Variants in PPP2R5C observed in about 807,000 individuals in gnomAD.
PPP2R5C encodes serine/threonine-protein phosphatase 2A 56 kDa regulatory subunit gamma isoform.
A neutral mutation model predicts 68.9 loss-of-function variants in PPP2R5C; 7 were observed. That is an observed-to-expected ratio of 0.10 (90% CI 0.06 to 0.19). The LOEUF (loss-of-function observed/expected upper bound fraction) is 0.19, where lower values mean the gene tolerates loss of function less well. Among genes scored for constraint, PPP2R5C ranks in the 10% least tolerant of loss-of-function variants. PPP2R5C has a pLI of 1.00. For missense variants in PPP2R5C, 348 were observed against 641.3 expected, an observed-to-expected ratio of 0.54 and a Z score of 4.94; for synonymous variants, 210 against 222.2, an observed-to-expected ratio of 0.95 and a Z score of 0.49.
intron 9 of PPP2R5C, among the ~76,000 whole-genome samples, chr14:101,902,978 T>C (rs1406432187): frequency 6.6e-6 from 1 of 151,882 alleles, no homozygotes; most frequent in African/African-American, 2.4e-5. Flanking sequence ...CAATGAGTTT[T>C]CACATTAGGA....
exon 14 of PPP2R5C, chr14:101,926,635 A>G (rs561538377): frequency 6.5e-6 from 1 of 152,736 alleles, no homozygotes; most frequent in South Asian, 2.1e-4. Flanking sequence ...CATCTCTGGC[A>G]TAAGATTATA....
intron 1 of PPP2R5C, chr14:101,844,150 T>TG (rs201691042): frequency 0.079 from 11,958 of 151,352 alleles, 524 homozygotes; most frequent in Middle Eastern, 0.11. Context: ...TTGTTTTTTT[T>TG]TTTTTTTTGA....
chr14:101,824,284 TA>T, intron 1 of PPP2R5C: 2 of 944,534 alleles, frequency 2.1e-6, no homozygotes, highest in South Asian at 3.5e-5. Context: ...TCTTGCGGGG[TA>T]GGAGAGAGAG....
chr14:101,773,224 A>C (rs182486545), intron 2 of PPP2R5C, among the ~76,000 whole-genome samples: 2 of 152,130 alleles, frequency 1.3e-5, no homozygotes, highest in East Asian at 3.9e-4. Context: ...TCTGCGGGGC[A>C]CTAGTGACAT....
intron 13 of PPP2R5C, chr14:101,921,145 G>A: frequency 4.4e-6 from 1 of 226,028 alleles, no homozygotes; most frequent in Non-Finnish European, 8.7e-6. Context: ...TTGGCTCACT[G>A]CAGCCTCGGC....
intron 2 of PPP2R5C, among the ~76,000 whole-genome samples, chr14:101,764,024 TGTGTGG>T (rs1213922868): frequency 1.8e-3 from 269 of 146,258 alleles, no homozygotes; most frequent in African/African-American, 5.9e-3. Flanking sequence ...TGTGTGTGTG[TGTGTGG>T]GCGCGCGCAC....
chr14:101,881,127 G>C (rs1617668), intron 2 of PPP2R5C, among the ~76,000 whole-genome samples: 8 of 151,994 alleles, frequency 5.3e-5, no homozygotes, highest in African/African-American at 1.7e-4. Flanking sequence ...GGTGACTCAC[G>C]CCTGTAATCC....
chr14:101,875,036 A>G (rs1221576284), intron 2 of PPP2R5C, among the ~76,000 whole-genome samples: 1 of 152,218 alleles, frequency 6.6e-6, no homozygotes, highest in African/African-American at 2.4e-5. Flanking sequence ...CACCGCGCCT[A>G]GCCCGTAAGT....
In PPP2R5C at chr14:101,835,657, G is replaced by A. The variant is rs181335511; in HGVS notation, c.95-21029G>A. 8.4e-4 allele frequency among the ~76,000 whole-genome samples: 128 copies of A among 152,330 alleles called. No individual in the cohort carries two copies. The highest frequency in any genetic ancestry group is 3.0e-3 in the African/African-American group (124 of 41,580). On this transcript the variant is annotated intron_variant, in intron 1 of 13. Coordinates refer to ENST00000334743, the Ensembl canonical transcript of PPP2R5C. This position sits in a 1 kb window ranked among gnomAD's most constrained non-coding sequence, Gnocchi z 5.0. ...GTTAAGGCATCTGAGGTCTCCCGGG[G>A]GACAGACACAGTCTTCATCTTGAGC...
At chr14:101,909,006 C>A (rs1190751589) in intron 10 of PPP2R5C, among the ~76,000 whole-genome samples, 2 of 152,178 alleles carry the variant, frequency 1.3e-5, no homozygotes, top group African/African-American at 4.8e-5. Context: ...GCTGGGGGAT[C>A]GGGGCTCTTA....
At chr14:101,840,071 G>A (rs1283515662) in intron 1 of PPP2R5C, among the ~76,000 whole-genome samples, 1 of 152,096 alleles carries the variant, frequency 6.6e-6, no homozygotes, top group African/African-American at 2.4e-5. Context: ...TTCATGTAAA[G>A]ACCAGTGGTC....
intron 2 of PPP2R5C, among the ~76,000 whole-genome samples, chr14:101,876,456 T>G (rs1032094800): frequency 2.6e-5 from 4 of 152,172 alleles, no homozygotes; most frequent in African/African-American, 9.7e-5. Flanking sequence ...TTAAAATTTT[T>G]ATATGTTACA....
At chr14:101,810,170 G>A in intron 1 of PPP2R5C, 1 of 817,358 alleles carries the variant, frequency 1.2e-6, no homozygotes, top group Non-Finnish European at 1.9e-6. Context: ...CTTAACCAGA[G>A]GAGGTTGGGT....
chr14:101,847,912 C>T (rs1044086430), intron 1 of PPP2R5C, among the ~76,000 whole-genome samples: 1 of 152,122 alleles, frequency 6.6e-6, no homozygotes, highest in African/African-American at 2.4e-5. Context: ...CTGCCCTCCT[C>T]GGCCTTCCAA....
intron 2 of PPP2R5C, among the ~76,000 whole-genome samples, chr14:101,768,795 A>G (rs1433587231): frequency 2.7e-5 from 4 of 147,526 alleles, no homozygotes; most frequent in Non-Finnish European, 6.0e-5. Context: ...CTCTACCCCC[A>G]TTCTCTGCTG....
At chr14:101,890,875 C>T (rs918677446) in intron 6 of PPP2R5C, among the ~76,000 whole-genome samples, 5 of 145,718 alleles carry the variant, frequency 3.4e-5, no homozygotes, top group Admixed American at 7.0e-5. Flanking sequence ...CTGGTTCAAA[C>T]GATTCTGCTG....
At position 101,865,606 on chromosome 14, in the gene PPP2R5C, G is replaced by A. The variant is rs558317942; in HGVS notation, c.294+8721G>A. 2.2e-4 allele frequency among the ~76,000 whole-genome samples: 34 copies of A among 152,306 alleles called. No individual in the cohort carries two copies. The South Asian group carries it at 5.8e-3, about 26-fold the overall frequency. ...TCGGATCTGTACCCAACTTTAATCT[G>A]CTAACTGTGCTACTTTGGGTGAACG... On this transcript the variant is annotated intron_variant, in intron 2 of 13. Transcript: ENST00000334743.
chr14:101,889,944 A>G (rs1399962327), intron 5 of PPP2R5C: 2 of 528,270 alleles, frequency 3.8e-6, no homozygotes. Flanking sequence ...TGGTGGTTGA[A>G]ATGGGTGTTC....
chr14:101,872,447 A>G (rs1483800821), intron 2 of PPP2R5C, among the ~76,000 whole-genome samples: 1 of 151,950 alleles, frequency 6.6e-6, no homozygotes, highest in East Asian at 1.9e-4. Context: ...TAGGTTGCCT[A>G]AGCTGGTCTC....
Sources: gnomAD v4.1 joint callset for allele counts (sites outside exome capture counted in the v4.1 genomes callset) on GRCh38, gnomAD v4.1.1 for gene constraint, Gnocchi (gnomAD v3.1) non-coding constraint, MANE v1.5 for transcripts, NCBI Gene and HGNC (gene_info 2026-07-23, HGNC 2026-07-21) for gene names.